PDE8A: variants seen among roughly 807,000 people sequenced by gnomAD.
The protein encoded by PDE8A is phosphodiesterase 8A.
Under a neutral mutation model 105.0 loss-of-function variants are expected in PDE8A, and 59 were observed. That is an observed-to-expected ratio of 0.56 (90% CI 0.46 to 0.70). The LOEUF (loss-of-function observed/expected upper bound fraction) is 0.70, where lower values mean the gene tolerates loss of function less well. PDE8A is among the 30% of genes least tolerant of loss of function. PDE8A has a pLI of 0.00. For synonymous variants in PDE8A, 355 were observed against 371.9 expected (o/e 0.95, Z 0.52); for missense variants, 1,014 against 1,045.9 (o/e 0.97, Z 0.42).
intron 11 of PDE8A, among the ~76,000 whole-genome samples, chr15:85,100,878 C>T (rs990521309): frequency 1.1e-4 from 16 of 152,194 alleles, no homozygotes; most frequent in Non-Finnish European, 2.4e-4. Context: ...GCTCTGCTTG[C>T]CCATGTGGTC....
intron 11 of PDE8A, among the ~76,000 whole-genome samples, chr15:85,103,395 G>A (rs941960258): frequency 6.6e-6 from 1 of 152,134 alleles, no homozygotes; most frequent in Non-Finnish European, 1.5e-5. Flanking sequence ...CGTTGACTTA[G>A]GAGTTTTACC....
In PDE8A at chr15:85,098,035, G is replaced by A. The variant is rs780504292; in HGVS notation, c.940G>A (p.Gly314Arg). Residue 314 changes from glycine to arginine, a missense_variant and splice_region_variant, in exon 9 of 22, where the codon GGA (glycine) becomes AGA (arginine). Transcript: ENST00000394553. The stretch of plus-strand genomic sequence containing the variant: ...GATAATACCTGTCATTGGACAGGGA[G>A]GGTAAGTGGAAAAAACAAGTACATC... ...VKIIPVIGQG[G>R]KIRHYVSIIR... The A allele has an allele frequency of 6.4e-7, 1 of 1,550,406 alleles. No individual in the cohort carries two copies. The highest frequency in any genetic ancestry group is 8.9e-7 in the Non-Finnish European group (1 of 1,123,294).
At chr15:85,026,210 G>A (rs897004312) in intron 1 of PDE8A, among the ~76,000 whole-genome samples, 2 of 152,168 alleles carry the variant, frequency 1.3e-5, no homozygotes, top group African/African-American at 4.8e-5. Context: ...TTATGCTCAT[G>A]GATTCTGTGG....
intron 1 of PDE8A, among the ~76,000 whole-genome samples, chr15:84,988,025 T>TTAA (rs1317302333): frequency 2.0e-5 from 3 of 152,230 alleles, no homozygotes; most frequent in African/African-American, 7.2e-5. Flanking sequence ...ACTATTCATA[T>TTAA]TAATAATAGC....
chr15:85,061,307 C>T (rs113895368), intron 1 of PDE8A, among the ~76,000 whole-genome samples: 2 of 152,006 alleles, frequency 1.3e-5, no homozygotes, highest in African/African-American at 4.8e-5. Context: ...AGTCTCGGCT[C>T]ACTGCAACTT....
At chr15:85,022,727 A>G (rs1386909259) in intron 1 of PDE8A, among the ~76,000 whole-genome samples, 1 of 148,982 alleles carries the variant, frequency 6.7e-6, no homozygotes, top group African/African-American at 2.5e-5. Flanking sequence ...TTTTTTTTGT[A>G]TTTTTGGTAG....
chr15:85,064,476 G>T, intron 2 of PDE8A, 50 bp downstream of exon 2: 2 of 1,223,392 alleles, frequency 1.6e-6, no homozygotes, highest in East Asian at 2.3e-5. Flanking sequence ...TCTTTAAAAA[G>T]GGTGGAGGTG....
intron 1 of PDE8A, among the ~76,000 whole-genome samples, chr15:84,996,109 A>C (rs1051275932): frequency 6.6e-6 from 1 of 151,730 alleles, no homozygotes; most frequent in African/African-American, 2.4e-5. Flanking sequence ...TTAAATTTTG[A>C]CCTCTCATGT....
intron 1 of PDE8A, among the ~76,000 whole-genome samples, chr15:85,024,883 G>A (rs780996850): frequency 6.6e-5 from 10 of 152,106 alleles, no homozygotes; most frequent in Non-Finnish European, 1.2e-4. Flanking sequence ...TTTGAACAGC[G>A]GCTTTAGCTT....
At chr15:85,019,167 A>G (rs1438898701) in intron 1 of PDE8A, among the ~76,000 whole-genome samples, 1 of 152,150 alleles carries the variant, frequency 6.6e-6, no homozygotes, top group Non-Finnish European at 1.5e-5. Flanking sequence ...TTAGGAGTTA[A>G]AAACTCTTCT....
intron 11 of PDE8A, among the ~76,000 whole-genome samples, chr15:85,105,860 G>A (rs1468499537): frequency 6.6e-6 from 1 of 152,166 alleles, no homozygotes; most frequent in East Asian, 1.9e-4. Flanking sequence ...GTCTCATTGG[G>A]ATGTAAGCCT....
intron 7 of PDE8A, 80 bp downstream of exon 7, chr15:85,089,496 G>A (rs377209994): frequency 1.4e-6 from 1 of 706,184 alleles, no homozygotes. Context: ...TCTCCAATAT[G>A]ATTTTTTTTT....
chr15:85,057,520 A>G (rs984647935), intron 1 of PDE8A, among the ~76,000 whole-genome samples: 3 of 152,114 alleles, frequency 2.0e-5, no homozygotes, highest in African/African-American at 7.2e-5. Flanking sequence ...GCTCTGGCTC[A>G]TGCTCCATGG....
At chr15:85,074,063 C>T (rs950106600) in intron 3 of PDE8A, among the ~76,000 whole-genome samples, 4 of 152,274 alleles carry the variant, frequency 2.6e-5, no homozygotes, top group South Asian at 4.1e-4. Flanking sequence ...CACAGAAAAG[C>T]AGGGATGTTG....
chr15:85,084,164 C>T (rs2081511964), intron 6 of PDE8A, among the ~76,000 whole-genome samples: 1 of 151,938 alleles, frequency 6.6e-6, no homozygotes, highest in Admixed American at 6.6e-5. Flanking sequence ...ATAAAGTCAG[C>T]AGCTTCCTAT....
chr15:85,120,705 C>T (rs1164973986), intron 17 of PDE8A, 92 bp from the exon 18 acceptor site: 2 of 756,560 alleles, frequency 2.6e-6, no homozygotes, highest in Non-Finnish European at 4.4e-6. Flanking sequence ...AATATTCTTA[C>T]CTGAAAGTAA....
At chr15:85,035,444 A>G (rs1006643537) in intron 1 of PDE8A, among the ~76,000 whole-genome samples, 3 of 151,928 alleles carry the variant, frequency 2.0e-5, no homozygotes, top group African/African-American at 7.2e-5. Context: ...TCCTGACCTC[A>G]GGTGATCCGC....
intron 1 of PDE8A, among the ~76,000 whole-genome samples, chr15:85,053,973 T>C (rs889070403): frequency 2.6e-5 from 4 of 152,262 alleles, no homozygotes; most frequent in Non-Finnish European, 5.9e-5. Context: ...ATAGCCCTTA[T>C]TATTTTGAGA....
intron 19 of PDE8A, among the ~76,000 whole-genome samples, chr15:85,125,675 C>A (rs1389391704): frequency 6.6e-6 from 1 of 152,122 alleles, no homozygotes; most frequent in Admixed American, 6.5e-5. Flanking sequence ...ACTGTTAAGT[C>A]CTTTATCCAT....
Sources: gnomAD v4.1 joint callset for allele counts (sites outside exome capture counted in the v4.1 genomes callset) on GRCh38, gnomAD v4.1.1 for gene constraint, MANE v1.5 for transcripts, NCBI Gene and HGNC (gene_info 2026-07-23, HGNC 2026-07-21) for gene names.